Variants in SMARCAD1 observed in about 807,000 individuals in gnomAD.
SMARCAD1 encodes the protein SNF2 related chromatin remodeling ATPase with DExD box 1.
SMARCAD1 carries 25 observed loss-of-function variants against 127.1 expected under a neutral mutation model. The ratio of observed to expected loss-of-function variants is 0.20; its 90% CI spans 0.14 to 0.27. The LOEUF (loss-of-function observed/expected upper bound fraction) is 0.27. SMARCAD1 is among the 10% of genes least tolerant of loss of function. The pLI is 1.00. For synonymous variants in SMARCAD1, 400 were observed against 396.9 expected (o/e 1.01, Z -0.09); for missense variants, 807 against 1,206.0 (o/e 0.67, Z 4.90).
chr4:94,278,339 G>A, intron 16 of SMARCAD1, 83 bp from the exon 17 acceptor site: 2 of 1,219,596 alleles, frequency 1.6e-6, no homozygotes, highest in Middle Eastern at 2.1e-4. Context: ...TAATGAGGGA[G>A]ATTTTTATGT....
At chr4:94,245,950 A>G (rs116366742) in intron 6 of SMARCAD1, among the ~76,000 whole-genome samples, 1,728 of 152,206 alleles carry the variant, frequency 0.011, 36 homozygotes, top group African/African-American at 0.039. Context: ...CGATTTTCCC[A>G]CTGGGGCTTG....
chr4:94,228,678 AGTT>A (rs1406639682), intron 3 of SMARCAD1, among the ~76,000 whole-genome samples: 4 of 151,324 alleles, frequency 2.6e-5, no homozygotes, highest in Non-Finnish European at 5.9e-5. Flanking sequence ...TCAGTAACGT[AGTT>A]GTTTACGTTC....
intron 6 of SMARCAD1, 96 bp from the exon 7 acceptor site, chr4:94,249,558 A>T: frequency 2.7e-6 from 2 of 741,994 alleles, no homozygotes; most frequent in South Asian, 3.0e-5. Context: ...TGATGATGAT[A>T]ATTTTCAGAT....
intron 4 of SMARCAD1, 91 bp from the exon 5 acceptor site, chr4:94,236,861 A>G (rs1285979986): frequency 2.0e-6 from 2 of 1,008,112 alleles, no homozygotes. Context: ...TGTCATGTTT[A>G]TATTTAATAT....
At chr4:94,271,691 C>G (rs1290502732) in intron 11 of SMARCAD1, among the ~76,000 whole-genome samples, 2 of 152,154 alleles carry the variant, frequency 1.3e-5, no homozygotes, top group African/African-American at 4.8e-5. Context: ...AAAATACTTA[C>G]AGAAATTACC....
intron 10 of SMARCAD1, among the ~76,000 whole-genome samples, chr4:94,265,317 A>T (rs1388045322): frequency 1.3e-5 from 2 of 151,968 alleles, no homozygotes; most frequent in Admixed American, 1.3e-4. Context: ...CTTTTTAATC[A>T]TAAATAAAAT....
intron 19 of SMARCAD1, among the ~76,000 whole-genome samples, 187 bp from the exon 20 acceptor site, chr4:94,280,405 C>T (rs1342088411): frequency 6.6e-6 from 1 of 152,118 alleles, no homozygotes; most frequent in Non-Finnish European, 1.5e-5. Context: ...ATCTCTCAAA[C>T]AGTAAGGACT....
In SMARCAD1 at chr4:94,268,773, C is replaced by T. The variant is rs530837684; in HGVS notation, c.1482-1955C>T. Among the ~76,000 whole-genome samples the T allele has an allele frequency of 2.0e-5, 3 of 152,164 alleles. No individual in the cohort carries two copies. The South Asian group carries it at 6.2e-4, about 32-fold the overall frequency. ...GTAAAATGCAGATAATTAATATTTCCTATTTTTAATATGGATTAAATGAAA... is the reference window on the plus strand; with the variant it reads ...GTAAAATGCAGATAATTAATATTTCTTATTTTTAATATGGATTAAATGAAA... On this transcript the variant is annotated intron_variant, in intron 10 of 23. Transcript: ENST00000354268.
At chr4:94,251,492 G>C (rs1749263743) in intron 8 of SMARCAD1, among the ~76,000 whole-genome samples, 1 of 152,040 alleles carries the variant, frequency 6.6e-6, no homozygotes, top group East Asian at 1.9e-4. Context: ...ACTGTTGATG[G>C]CACAGAAAAT....
chr4:94,268,756 C>T (rs79462540), intron 10 of SMARCAD1, among the ~76,000 whole-genome samples: 1 of 152,048 alleles, frequency 6.6e-6, no homozygotes, highest in African/African-American at 2.4e-5. Flanking sequence ...CTGTAAAATG[C>T]AGATAATTAA....
intron 3 of SMARCAD1, among the ~76,000 whole-genome samples, chr4:94,233,493 A>G (rs929510474): frequency 1.3e-5 from 2 of 152,192 alleles, no homozygotes; most frequent in African/African-American, 2.4e-5. Context: ...CCTATATTCA[A>G]TGGGACCATT....
intron 2 of SMARCAD1, among the ~76,000 whole-genome samples, chr4:94,211,909 G>T (rs761823275): frequency 3.7e-4 from 41 of 111,616 alleles, no homozygotes; most frequent in Non-Finnish European, 5.1e-4. Context: ...CAGCTTTACT[G>T]TTATTTTTCT....
chr4:94,255,465 A>G (rs908419006), intron 9 of SMARCAD1, among the ~76,000 whole-genome samples: 1 of 152,006 alleles, frequency 6.6e-6, no homozygotes, highest in African/African-American at 2.4e-5. Flanking sequence ...TGAATGTGAA[A>G]ATTATATTGT....
At chr4:94,233,235 A>G (rs1438686094) in intron 3 of SMARCAD1, among the ~76,000 whole-genome samples, 1 of 152,186 alleles carries the variant, frequency 6.6e-6, no homozygotes, top group Non-Finnish European at 1.5e-5. Flanking sequence ...TCTATAACTT[A>G]CATTCATTTG....
At chr4:94,220,043 C>T (rs574769148) in intron 2 of SMARCAD1, among the ~76,000 whole-genome samples, 1 of 152,254 alleles carries the variant, frequency 6.6e-6, no homozygotes, top group East Asian at 1.9e-4. Flanking sequence ...TATGGTACTA[C>T]TTAAAAGTGC....
chr4:94,227,202 A>G (rs1390568792), intron 3 of SMARCAD1, among the ~76,000 whole-genome samples: 1 of 152,102 alleles, frequency 6.6e-6, no homozygotes, highest in African/African-American at 2.4e-5. Flanking sequence ...GTTTTTGAGG[A>G]AAGTGGGAGG....
Position 94,283,233 on chromosome 4 carries a change from C to T in SMARCAD1, c.2839C>T (p.His947Tyr). ...GACTTCAGCAAATGTTGTTATACTT[C>T]ACGATATTGACTGTAATCCTTATAA... Reference protein sequence around the residue: ...NLTSANVVILHDIDCNPYNDK... With the variant: ...NLTSANVVILYDIDCNPYNDK... Residue 947 changes from histidine to tyrosine, a missense_variant, in exon 22 of 24, where the codon CAC (histidine) becomes TAC (tyrosine). This residue lies in a region of SMARCAD1 where 44 missense variants were observed against 119.1 expected (regional missense o/e 0.37). Coordinates refer to ENST00000354268, the MANE Select transcript of SMARCAD1 (RefSeq NM_020159.5). 1.2e-6 allele frequency: 2 copies of T among 1,613,630 alleles called. No individual in the cohort carries two copies. The highest frequency in any genetic ancestry group is 1.7e-6 in the Non-Finnish European group (2 of 1,179,922).
At chr4:94,223,734 A>ATT (rs944591007) in intron 2 of SMARCAD1, among the ~76,000 whole-genome samples, 23 of 100,162 alleles carry the variant, frequency 2.3e-4, no homozygotes, top group African/African-American at 6.6e-4. Context: ...CTCCCGGCTA[A>ATT]TTTTTTTTTT....
At chr4:94,246,366 G>C (rs979758880) in intron 6 of SMARCAD1, among the ~76,000 whole-genome samples, 1 of 152,000 alleles carries the variant, frequency 6.6e-6, no homozygotes, top group African/African-American at 2.4e-5. Context: ...TGATCCACCC[G>C]CCTCAGCCTC....
Sources: allele counts gnomAD v4.1 joint callset (sites outside exome capture counted in the v4.1 genomes callset), GRCh38; gene constraint gnomAD v4.1.1; regional missense constraint gnomAD v4.1.1; transcripts MANE v1.5; gene names NCBI Gene and HGNC (gene_info 2026-07-23, HGNC 2026-07-21).